The following VDAC1 variants were observed in gnomAD, a reference collection of about 807,000 sequenced individuals.
VDAC1 encodes non-selective voltage-gated ion channel VDAC1.
VDAC1 carries 10 observed loss-of-function variants against 34.7 expected under a neutral mutation model. The observed-to-expected ratio is 0.29, with a 90% CI of 0.18 to 0.49. The LOEUF (loss-of-function observed/expected upper bound fraction) is 0.49, where lower values mean the gene tolerates loss of function less well. Among genes scored for constraint, VDAC1 ranks in the 20% least tolerant of loss-of-function variants. The pLI is 0.99. For synonymous variants in VDAC1, 130 were observed against 136.0 expected, an observed-to-expected ratio of 0.96 and a Z score of 0.30; for missense variants, 230 against 347.9, an observed-to-expected ratio of 0.66 and a Z score of 2.69.
the VDAC1 span, among the ~76,000 whole-genome samples, chr5:134,053,088 C>T: frequency 1.3e-5 from 2 of 151,944 alleles, no homozygotes; most frequent in Admixed American, 1.3e-4. Context: ...GCACTCCAGC[C>T]TGGGCAACAA....
intron 3 of VDAC1, among the ~76,000 whole-genome samples, chr5:133,991,379 T>C (rs935431951): frequency 6.6e-6 from 1 of 152,234 alleles, no homozygotes; most frequent in Non-Finnish European, 1.5e-5. Flanking sequence ...GACAGCTTCC[T>C]TCCTCCCTGT....
intron 5 of VDAC1, among the ~76,000 whole-genome samples, chr5:133,986,659 T>A (rs917968349): frequency 5.9e-5 from 9 of 152,192 alleles, no homozygotes; most frequent in Non-Finnish European, 1.3e-4. Flanking sequence ...GTGCTGGGAT[T>A]GCAGGCATGA....
chr5:134,008,500 T>C (rs1050867171), upstream of VDAC1, among the ~76,000 whole-genome samples: 2 of 152,170 alleles, frequency 1.3e-5, no homozygotes, highest in African/African-American at 4.8e-5. Flanking sequence ...TTTTAGGGAG[T>C]TTTTGGTTTT....
At chr5:134,109,352 G>C in the VDAC1 span, among the ~76,000 whole-genome samples, 1 of 152,202 alleles carries the variant, frequency 6.6e-6, no homozygotes, top group South Asian at 2.1e-4. Context: ...CCTCTGTGAA[G>C]CTGCAGGTGA....
chr5:134,087,929 C>A, the VDAC1 span, among the ~76,000 whole-genome samples: 436 of 151,432 alleles, frequency 2.9e-3, no homozygotes, highest in Non-Finnish European at 4.4e-3. Flanking sequence ...GCGGGCAGGT[C>A]ACCTGAGGTC....
chr5:133,976,619 G>A (rs1752492333), intron 6 of VDAC1, among the ~76,000 whole-genome samples: 1 of 151,620 alleles, frequency 6.6e-6, no homozygotes, highest in Admixed American at 6.6e-5. Context: ...TATAGCTTGG[G>A]CAACAGAGCG....
At chr5:134,107,415 G>A in the VDAC1 span, among the ~76,000 whole-genome samples, 1 of 152,244 alleles carries the variant, frequency 6.6e-6, no homozygotes, top group African/African-American at 2.4e-5. Flanking sequence ...ATCTCTCTGT[G>A]TAATTTCCTC....
chr5:133,992,124 T>C (rs1442885894), intron 3 of VDAC1, among the ~76,000 whole-genome samples, 182 bp downstream of exon 3: 1 of 152,072 alleles, frequency 6.6e-6, no homozygotes, highest in Admixed American at 6.6e-5. Flanking sequence ...TAATCCCAGC[T>C]ACTCGGTAGG....
the VDAC1 span, among the ~76,000 whole-genome samples, chr5:134,110,562 G>A: frequency 6.6e-6 from 1 of 152,234 alleles, no homozygotes; most frequent in Non-Finnish European, 1.5e-5. Flanking sequence ...ACAAACCACA[G>A]TCTACCTCTA....
chr5:133,978,714 T>C (rs1245535270), intron 6 of VDAC1, among the ~76,000 whole-genome samples: 1 of 152,180 alleles, frequency 6.6e-6, no homozygotes, highest in Non-Finnish European at 1.5e-5. Flanking sequence ...TACAGAGCTT[T>C]CAAAACCATA....
chr5:134,026,530 A>C, the VDAC1 span, among the ~76,000 whole-genome samples: 2,256 of 151,604 alleles, frequency 0.015, 35 homozygotes, highest in Middle Eastern at 0.065. Flanking sequence ...AAAAAAAAAA[A>C]AAAAAAAAAC....
At chr5:134,000,594 C>T (rs747238434) in intron 1 of VDAC1, among the ~76,000 whole-genome samples, 2 of 152,114 alleles carry the variant, frequency 1.3e-5, no homozygotes, top group African/African-American at 4.8e-5. Flanking sequence ...CAGGAAGCCT[C>T]GGGAATCAAA....
chr5:134,074,084 G>A, the VDAC1 span, among the ~76,000 whole-genome samples: 5 of 151,944 alleles, frequency 3.3e-5, no homozygotes, highest in East Asian at 1.9e-4. Flanking sequence ...AGGCTGAGGC[G>A]GGCAGATCAT....
At chr5:134,044,848 G>T in the VDAC1 span, among the ~76,000 whole-genome samples, 2 of 152,334 alleles carry the variant, frequency 1.3e-5, no homozygotes, top group African/African-American at 4.8e-5. Flanking sequence ...GCACAGAAGA[G>T]ACTGGCTGCC....
chr5:133,995,672 A>G (rs998804125), intron 1 of VDAC1, among the ~76,000 whole-genome samples: 1 of 152,104 alleles, frequency 6.6e-6, no homozygotes, highest in Non-Finnish European at 1.5e-5. Context: ...GATCTGACGG[A>G]ACTAAGGAAG....
chr5:134,056,434 ATTTTTTTTTTT>A, the VDAC1 span, among the ~76,000 whole-genome samples: 1 of 118,690 alleles, frequency 8.4e-6, no homozygotes, highest in Non-Finnish European at 1.7e-5. Flanking sequence ...GCTGCACTGA[ATTTTTTTTTTT>A]TTTTTTTTTT....
the VDAC1 span, among the ~76,000 whole-genome samples, chr5:134,030,807 T>C: frequency 6.6e-6 from 1 of 152,026 alleles, no homozygotes; most frequent in South Asian, 2.1e-4. Flanking sequence ...TTTTAGGGGT[T>C]TTACCATGAT....
At chr5:134,012,080 AAG>A in the VDAC1 span, among the ~76,000 whole-genome samples, 2 of 152,248 alleles carry the variant, frequency 1.3e-5, no homozygotes, top group African/African-American at 4.8e-5. Flanking sequence ...AGAAGAAAGA[AAG>A]AGAGAGATTG....
At chr5:134,015,181 T>C in the VDAC1 span, among the ~76,000 whole-genome samples, 7 of 150,662 alleles carry the variant, frequency 4.6e-5, no homozygotes, top group Non-Finnish European at 1.0e-4. Flanking sequence ...GACATAAATA[T>C]GGGAACAATA....
Sources: allele counts gnomAD v4.1 joint callset (sites outside exome capture counted in the v4.1 genomes callset), GRCh38; gene constraint gnomAD v4.1.1; transcripts MANE v1.5; gene names NCBI Gene and HGNC (gene_info 2026-07-23, HGNC 2026-07-21).